PKD1: variants seen among roughly 807,000 people sequenced by gnomAD.
PKD1 encodes the protein polycystin-1.
A neutral mutation model predicts 361.7 loss-of-function variants in PKD1; 81 were observed. The observed-to-expected ratio is 0.22, with a 90% CI of 0.19 to 0.27. The LOEUF (loss-of-function observed/expected upper bound fraction) is 0.27. PKD1 is among the 10% of genes least tolerant of loss of function. The pLI is 1.00. For missense variants in PKD1, 6,399 were observed against 6,118.3 expected (o/e 1.05, Z -1.53); for synonymous variants, 3,615 against 2,818.3 (o/e 1.28, Z -8.95).
chr16:2,103,818 T>C lies in PKD1; in HGVS notation c.8239A>G (p.Met2747Val), dbSNP rs1320400507. 3.1e-6 allele frequency: 5 copies of C among 1,608,464 alleles called. No individual in the cohort carries two copies. The highest frequency in any genetic ancestry group is 3.4e-6 in the Non-Finnish European group (4 of 1,179,200). Reference protein sequence around the residue: ...SELGAESPSRMVASQAYNLTS... With the variant: ...SELGAESPSRVVASQAYNLTS... ...AGGTTGTAGGCCTGGGACGCCACCA[T>C]CCGAGATGGTGACTCGGCTCCCAGC... Residue 2747 changes from methionine to valine, a missense_variant, in exon 23 of 46, where the codon ATG (methionine) becomes GTG (valine). By Grantham distance (21) the Met-to-Val change is conservative (BLOSUM62 1). Transcript: ENST00000262304.
In PKD1 at chr16:2,093,631, C is replaced by T. The variant is rs752524048; in HGVS notation, c.10929G>A (p.Val3643=). ...AGCCGTGGGGTGGCCGTACGCGGGG[C>T]ACACGTGCGCTCACAGGCGTCACAG... ...SPAVTPVSAR[V]PRVRPPHGFA... is the part of the protein sequence containing the mutation. Residue 3643 remains valine, a synonymous_variant, in exon 37 of 46, where the codon GTG becomes GTA. Coordinates refer to ENST00000262304, the MANE Select transcript of PKD1 (RefSeq NM_001009944.3). 6.2e-7 allele frequency: 1 copy of T among 1,609,572 alleles called. No homozygotes were observed. The highest frequency in any genetic ancestry group is 2.2e-5 in the East Asian group (1 of 44,802).
intron 1 of PKD1, among the ~76,000 whole-genome samples, chr16:2,122,426 T>G (rs986446409): frequency 7.2e-5 from 11 of 152,180 alleles, no homozygotes; most frequent in African/African-American, 1.7e-4. Flanking sequence ...CCCCCCTAAC[T>G]GAACCCTGCT....
rs1454519123 is a variant in PKD1 at position 2,126,073 on chromosome 16, C to T, written c.216-6695G>A. 7.2e-5 allele frequency among the ~76,000 whole-genome samples: 11 copies of T among 152,222 alleles called. No homozygotes were observed. In the South Asian group the frequency reaches 1.4e-3, roughly 20 times the overall value. On this transcript the variant is annotated intron_variant, in intron 1 of 45. Coordinates refer to ENST00000262304, the MANE Select transcript of PKD1 (RefSeq NM_001009944.3). ...GGGCACAGCAGTGCCCTGGAGAGGG[C>T]AGCAGCACAGATCCAGCGGGGCAGC...
chr16:2,118,111 A>G lies in PKD1; in HGVS notation c.881T>C (p.Ile294Thr). ...LASGQLAAFH[I>T]AAPLPVTATR... is the part of the protein sequence containing the mutation. Reference sequence around the variant, plus strand: ...GGCAGTGACAGGGAGCGGGGCAGCGATGTGGAAGGCTGCTAGCTGGCCAGA... The same window carrying G: ...GGCAGTGACAGGGAGCGGGGCAGCGGTGTGGAAGGCTGCTAGCTGGCCAGA... Residue 294 changes from isoleucine (I) to threonine (T), a missense_variant, in exon 5 of 46, where the codon ATC (isoleucine) becomes ACC (threonine). Ile to Thr is a moderately conservative substitution (Grantham distance 89). Transcript: ENST00000262304. This position sits in a 1 kb window ranked among gnomAD's most constrained non-coding sequence, Gnocchi z 6.0. 3.7e-6 allele frequency: 6 copies of G among 1,605,110 alleles called. No homozygotes were observed. The highest frequency in any genetic ancestry group is 5.1e-6 in the Non-Finnish European group (6 of 1,177,810).
rs1034475397 is a variant in PKD1, at chr16:2,116,699, G to T, written c.1607-55C>A. The T allele has an allele frequency of 9.0e-6, 11 of 1,221,302 alleles. No individual in the cohort carries two copies. In the African/African-American group the frequency reaches 1.5e-4, roughly 17 times the overall value. 75.7% of individuals were successfully genotyped at this position (1,221,302 alleles called of 1,614,324 possible). ...GGGCCAGGGCCCAGGACACCAGGACGAACAGACTGGGGACCGAGCCGCCCG... is the reference window on the plus strand; with the variant it reads ...GGGCCAGGGCCCAGGACACCAGGACTAACAGACTGGGGACCGAGCCGCCCG... On this transcript the variant is annotated intron_variant, in intron 7 of 45. Coordinates refer to ENST00000262304, the MANE Select transcript of PKD1 (RefSeq NM_001009944.3).
Position 2,102,434 on chromosome 16 carries a change from C to T in PKD1, c.9148G>A (p.Ala3050Thr), listed in dbSNP as rs768295964. The change falls in exon 25 of 46, where the codon GCC becomes ACC. Residue 3050 changes from alanine (A) to threonine (T), a missense_variant. By Grantham distance (58) the Ala-to-Thr change is moderately conservative (BLOSUM62 0). Coordinates refer to ENST00000262304, the MANE Select transcript of PKD1 (RefSeq NM_001009944.3). ...GGCACGAAGAGGCTGGCGCCGAAGG[C>T]GGTGAGGTGGCGGGTGAGGCAGACG... is the stretch of plus-strand genomic sequence containing the variant. ...QAVCLTRHLT[A>T]FGASLFVPPS... 56 of 1,551,738 alleles carry T rather than the reference C, an allele frequency of 3.6e-5. No homozygotes were observed. The highest frequency in any genetic ancestry group is 2.6e-5 in the Non-Finnish European group (30 of 1,149,290).
chr16:2,106,722 T>C lies in PKD1; in HGVS notation c.7210-45A>G, dbSNP rs771275437. On this transcript the variant is annotated intron_variant, in intron 17 of 45. Coordinates refer to ENST00000262304, the MANE Select transcript of PKD1 (RefSeq NM_001009944.3). This position sits in a 1 kb window ranked among gnomAD's most constrained non-coding sequence, Gnocchi z 6.5. ...TGAGGGGGCGCAACCCTCTGCCCTG[T>C]CAGCCCCACTTCTGCCTGCAGGCCC... 3.6e-5 allele frequency: 55 copies of C among 1,541,868 alleles called. No homozygotes were observed. The African/African-American group carries it at 6.6e-4, about 18-fold the overall frequency.
chr16:2,122,047 G>A (rs187702057), intron 1 of PKD1, among the ~76,000 whole-genome samples: 111 of 152,356 alleles, frequency 7.3e-4, no homozygotes, highest in African/African-American at 2.2e-3. Context: ...CACACAGGCT[G>A]CCCGGTGGGG....
At position 2,112,356 on chromosome 16, in the gene PKD1, G is replaced by A. The variant is rs763018050; in HGVS notation, c.3279C>T (p.His1093=). The change falls in exon 14 of 46, where the codon CAC becomes CAT. Residue 1093 remains histidine (H), a synonymous_variant. Transcript: ENST00000262304. ...AQVLVEHNVM[H]TYAAPGEYLL... is the part of the protein sequence containing the mutation. ...ATCCCTCACCTGGGGCAGCGTAGGT[G>A]TGCATGACATTGTGCTCCACCAGCA... 1.3e-6 allele frequency: 2 copies of A among 1,587,902 alleles called. No homozygotes were observed. The highest frequency in any genetic ancestry group is 1.7e-6 in the Non-Finnish European group (2 of 1,174,738).
In PKD1 at chr16:2,110,553, G is replaced by C; in HGVS notation, c.4614C>G (p.Ala1538=). 1 of 1,611,450 alleles carries C rather than the reference G, an allele frequency of 6.2e-7. No homozygotes were observed. The highest frequency in any genetic ancestry group is 8.5e-7 in the Non-Finnish European group (1 of 1,179,814). ...AGWNEVSRSE[A]WLNVTVKRRV... is the part of the protein sequence containing the mutation. ...GCCGCTTCACCGTCACATTGAGCCA[G>C]GCCTCGCTGCGGCTCACCTCATTCC... Residue 1538 remains alanine, a synonymous_variant, in exon 15 of 46, where the codon GCC becomes GCG. Transcript: ENST00000262304.
intron 35 of PKD1, 29 bp from the exon 36 acceptor site, chr16:2,094,042 G>T: frequency 6.3e-7 from 1 of 1,588,496 alleles, no homozygotes; most frequent in Non-Finnish European, 8.6e-7. Context: ...ACCTGTGAGA[G>T]GCAGCTCACA....
chr16:2,115,665 C>T (rs576935710), intron 9 of PKD1, 40 bp from the exon 10 acceptor site: 2 of 1,585,648 alleles, frequency 1.3e-6, no homozygotes, highest in South Asian at 2.2e-5. Flanking sequence ...GATTTGCCCA[C>T]AGGCCACCGT....
chr16:2,120,410 C>T (rs2432393), intron 1 of PKD1, among the ~76,000 whole-genome samples: 6 of 152,066 alleles, frequency 3.9e-5, no homozygotes, highest in African/African-American at 9.7e-5. Flanking sequence ...ATAAAGAAAA[C>T]GTCAACTATT....
chr16:2,106,665 G>T lies in PKD1; in HGVS notation c.7222C>A (p.Arg2408Ser). ...SGSKRGRWAA[R>S]TFSNKTLVLD... ...ACCAGCGTCTTGTTGCTGAACGTAC[G>T]TGCAGCCCACCGCTGCAGGCAGAAG... is the stretch of plus-strand genomic sequence containing the variant. Residue 2408 changes from arginine (R) to serine (S), a missense_variant, in exon 18 of 46, where the codon CGT (arginine) becomes AGT (serine). Coordinates refer to ENST00000262304, the MANE Select transcript of PKD1 (RefSeq NM_001009944.3). This position sits in a 1 kb window ranked among gnomAD's most constrained non-coding sequence, Gnocchi z 6.5. 2 of 1,595,896 alleles carry T rather than the reference G, an allele frequency of 1.3e-6. No individual in the cohort carries two copies. Among genetic ancestry groups the T allele is most frequent in the Non-Finnish European group, 1.7e-6 (2 of 1,178,462 alleles).
intron 11 of PKD1, among the ~76,000 whole-genome samples, chr16:2,113,598 G>T (rs949044509): frequency 6.6e-6 from 1 of 152,198 alleles, no homozygotes; most frequent in Non-Finnish European, 1.5e-5. Context: ...AGACCCTCCC[G>T]GCGCTCTTGC....
Position 2,106,623 on chromosome 16 carries a change from T to A in PKD1, c.7264A>T (p.Thr2422Ser). The A allele has an allele frequency of 1.3e-6, 2 of 1,597,460 alleles. No homozygotes were observed. The highest frequency in any genetic ancestry group is 1.1e-5 in the South Asian group (1 of 90,842). The part of the protein sequence containing the change: ...NKTLVLDETT[T>S]STGSAGMRLV... The stretch of plus-strand genomic sequence containing the variant: ...CGCATGCCTGCACTGCCCGTGGATG[T>A]GGTGGTCTCATCCAGCACCAGCGTC... The change falls in exon 18 of 46, where the codon ACA (threonine) becomes TCA (serine). Residue 2422 changes from threonine to serine, a missense_variant. Thr to Ser is a moderately conservative substitution (Grantham distance 58, BLOSUM62 1). Coordinates refer to ENST00000262304, the MANE Select transcript of PKD1 (RefSeq NM_001009944.3). The surrounding 1 kb of genome is among the most constrained non-coding windows in gnomAD (Gnocchi z 6.5).
At chr16:2,092,004 C>T in intron 40 of PKD1, 43 bp downstream of exon 40, 1 of 1,612,626 alleles carries the variant, frequency 6.2e-7, no homozygotes, top group Non-Finnish European at 8.5e-7. Context: ...AGAACTACTC[C>T]CTTGTCCTTG....
intron 1 of PKD1, among the ~76,000 whole-genome samples, chr16:2,125,456 C>T (rs376500388): frequency 2.6e-5 from 4 of 152,346 alleles, no homozygotes; most frequent in African/African-American, 7.2e-5. Context: ...CCTTACAGAT[C>T]CCTCCCACGG....
chr16:2,115,630 G>A lies in PKD1; in HGVS notation c.1850-5C>T, dbSNP rs771767495. On this transcript the variant is annotated splice_polypyrimidine_tract_variant and splice_region_variant and intron_variant, in intron 9 of 45. Coordinates refer to ENST00000262304, the MANE Select transcript of PKD1 (RefSeq NM_001009944.3). Reference sequence around the variant, plus strand: ...CGCTGCCGTTCTCCGGGGTCCCTGTGAGGAGGGGAGGGTGTTGGGGCCCTG... The same window carrying A: ...CGCTGCCGTTCTCCGGGGTCCCTGTAAGGAGGGGAGGGTGTTGGGGCCCTG... 1.9e-5 allele frequency: 31 copies of A among 1,597,840 alleles called. No homozygotes were observed. Among genetic ancestry groups the A allele is most frequent in the Middle Eastern group, 4.5e-4 (2 of 4,436 alleles).
Sources: gnomAD v4.1 joint callset for allele counts (sites outside exome capture counted in the v4.1 genomes callset) on GRCh38, gnomAD v4.1.1 for gene constraint, Gnocchi (gnomAD v3.1) non-coding constraint, MANE v1.5 for transcripts, NCBI Gene and HGNC (gene_info 2026-07-23, HGNC 2026-07-21) for gene names.